The following RANBP2 variants were observed in gnomAD, a reference collection of about 807,000 sequenced individuals.
RANBP2 encodes E3 SUMO-protein ligase RanBP2.
In RANBP2, 57 loss-of-function variants were observed where a neutral mutation model predicts 303.6. The observed-to-expected ratio is 0.19, with a 90% confidence interval of 0.15 to 0.23. The LOEUF is 0.23. Ranked by LOEUF, RANBP2 falls within the 10% of genes least tolerant of loss-of-function variation. The probability of loss-of-function intolerance (pLI) is 1.00; values close to 1 mark genes in which losing one functional copy is unlikely to be tolerated. For synonymous variants in RANBP2, 1,167 were observed against 1,301.5 expected (o/e 0.90, Z 2.23); for missense variants, 3,138 against 3,780.8 (o/e 0.83, Z 4.46).
the RANBP2 span, among the ~76,000 whole-genome samples, chr2:109,559,613 G>C: frequency 6.4e-3 from 971 of 152,264 alleles, 5 homozygotes; most frequent in Non-Finnish European, 0.011. Context: ...CTTGGTACCA[G>C]TATCCATTAT....
chr2:109,418,939 C>T, the RANBP2 span, among the ~76,000 whole-genome samples: 2 of 152,168 alleles, frequency 1.3e-5, no homozygotes, highest in Admixed American at 6.5e-5. Context: ...CCCTCGGCCC[C>T]CCCACTGTCC....
chr2:109,462,205 G>A, the RANBP2 span, among the ~76,000 whole-genome samples: 70,394 of 148,210 alleles, frequency 0.47, 18,129 homozygotes, highest in Non-Finnish European at 0.56. Context: ...CTTGAGGAAG[G>A]CAAAGGTGAT....
the RANBP2 span, among the ~76,000 whole-genome samples, chr2:109,680,198 A>AG: frequency 6.7e-6 from 1 of 149,880 alleles, no homozygotes; most frequent in African/African-American, 2.4e-5. Flanking sequence ...AAAAAAAAAA[A>AG]AAAAATTAGC....
the RANBP2 span, among the ~76,000 whole-genome samples, chr2:108,964,325 T>G: frequency 6.6e-6 from 1 of 152,152 alleles, no homozygotes; most frequent in Admixed American, 6.5e-5. Context: ...CCAGGTCATC[T>G]GGACTCCAGT....
chr2:108,876,207 T>C, the RANBP2 span: 1 of 1,613,198 alleles, frequency 6.2e-7, no homozygotes, highest in Non-Finnish European at 8.5e-7. Context: ...CTGTTCAATC[T>C]GGGTTTAACA....
At chr2:109,223,210 C>T in the RANBP2 span, among the ~76,000 whole-genome samples, 1 of 152,198 alleles carries the variant, frequency 6.6e-6, no homozygotes, top group Non-Finnish European at 1.5e-5. Flanking sequence ...TCCCCCTTTG[C>T]TGCCGTCCCA....
At chr2:109,362,230 T>G in the RANBP2 span, among the ~76,000 whole-genome samples, 2 of 152,218 alleles carry the variant, frequency 1.3e-5, no homozygotes, top group East Asian at 3.8e-4. Context: ...GTGCTACTTT[T>G]GCGGCATCTC....
the RANBP2 span, among the ~76,000 whole-genome samples, chr2:109,589,413 T>C: frequency 6.6e-6 from 1 of 152,026 alleles, no homozygotes; most frequent in Non-Finnish European, 1.5e-5. Context: ...ATGCCTGTAG[T>C]CCCAGCTACT....
the RANBP2 span, among the ~76,000 whole-genome samples, chr2:109,370,195 CTG>C: frequency 6.0e-4 from 36 of 60,376 alleles, no homozygotes; most frequent in Non-Finnish European, 1.4e-3. Context: ...GTGGTGGTCT[CTG>C]TCTCTGTCTC....
chr2:109,023,717 G>C, the RANBP2 span, among the ~76,000 whole-genome samples: 1 of 152,144 alleles, frequency 6.6e-6, no homozygotes, highest in African/African-American at 2.4e-5. Context: ...GCTGAGGCAG[G>C]AGAATTGCTT....
the RANBP2 span, among the ~76,000 whole-genome samples, chr2:109,255,140 G>C: frequency 2.6e-5 from 4 of 152,194 alleles, no homozygotes; most frequent in Admixed American, 6.5e-5. Context: ...GTGTGTCTGT[G>C]TGTGTACATG....
the RANBP2 span, among the ~76,000 whole-genome samples, chr2:109,487,398 T>C: frequency 2.6e-5 from 4 of 152,144 alleles, no homozygotes; most frequent in African/African-American, 9.7e-5. Context: ...AGCATGACGA[T>C]TGTTAGTACT....
At chr2:108,730,587 ATG>A (rs1262724038) in intron 2 of RANBP2, among the ~76,000 whole-genome samples, 185 bp from the exon 3 acceptor site, 25 of 152,310 alleles carry the variant, frequency 1.6e-4, no homozygotes, top group Non-Finnish European at 2.9e-4. Context: ...GGTCAACTCT[ATG>A]TACGTGTTTT....
intron 7 of RANBP2, among the ~76,000 whole-genome samples, chr2:108,744,336 G>A (rs1250189175): frequency 3.3e-5 from 5 of 152,072 alleles, no homozygotes; most frequent in South Asian, 2.1e-4. Flanking sequence ...ACCAGGAGGC[G>A]GAGGTTGCAG....
At chr2:109,448,954 C>T in the RANBP2 span, among the ~76,000 whole-genome samples, 1 of 152,174 alleles carries the variant, frequency 6.6e-6, no homozygotes, top group Admixed American at 6.5e-5. Context: ...TGGCAGGGCC[C>T]CCTGATCCCT....
At chr2:109,633,394 AAAAAC>A in the RANBP2 span, among the ~76,000 whole-genome samples, 32,486 of 150,664 alleles carry the variant, frequency 0.22, 3,937 homozygotes, top group Admixed American at 0.33. Flanking sequence ...CTCCATCTCA[AAAAAC>A]AAAACAAAAC....
chr2:109,524,085 G>A, the RANBP2 span, among the ~76,000 whole-genome samples: 2 of 152,172 alleles, frequency 1.3e-5, no homozygotes, highest in Non-Finnish European at 2.9e-5. Flanking sequence ...CACCTCCCCA[G>A]CCTCACTGGG....
chr2:109,470,994 C>G, the RANBP2 span, among the ~76,000 whole-genome samples: 1 of 152,030 alleles, frequency 6.6e-6, no homozygotes, highest in South Asian at 2.1e-4. Flanking sequence ...CCGAGGAGGG[C>G]AGATCACTTG....
the RANBP2 span, chr2:109,347,622 G>A: frequency 1.3e-6 from 2 of 1,585,208 alleles, no homozygotes; most frequent in African/African-American, 1.3e-5. Flanking sequence ...ATCCACTGTG[G>A]GGCATTGGGA....
Sources: gnomAD v4.1 joint callset for allele counts (sites outside exome capture counted in the v4.1 genomes callset) on GRCh38, gnomAD v4.1.1 for gene constraint, MANE v1.5 for transcripts, NCBI Gene and HGNC (gene_info 2026-07-23, HGNC 2026-07-21) for gene names.